FOXP1: variants seen among roughly 807,000 people sequenced by gnomAD.
FOXP1 encodes forkhead box P1, also known as forkhead box protein P1.
A neutral mutation model predicts 98.2 loss-of-function variants in FOXP1; 15 were observed. That is an observed-to-expected ratio of 0.15 (90% CI 0.10 to 0.24). The LOEUF is 0.24. Ranked by LOEUF, FOXP1 falls within the 10% of genes least tolerant of loss-of-function variation. The pLI, the probability that FOXP1 is intolerant of heterozygous loss-of-function variation, is 1.00. For missense variants in FOXP1, 633 were observed against 848.5 expected, an observed-to-expected ratio of 0.75 and a Z score of 3.15; for synonymous variants, 371 against 314.5, an observed-to-expected ratio of 1.18 and a Z score of -1.90.
intron 6 of FOXP1, among the ~76,000 whole-genome samples, chr3:71,170,350 G>T (rs1009740782): frequency 6.6e-6 from 1 of 152,122 alleles, no homozygotes; most frequent in African/African-American, 2.4e-5. Context: ...AAGCTTTCAG[G>T]CAAATAATCT....
chr3:71,534,000 G>A (rs2044078535), intron 2 of FOXP1, among the ~76,000 whole-genome samples: 1 of 152,152 alleles, frequency 6.6e-6, no homozygotes, highest in Admixed American at 6.5e-5. Context: ...TGTATATTGG[G>A]GGACTGGTTC....
chr3:71,546,627 G>A lies in FOXP1; in HGVS notation c.-298+34922C>T, dbSNP rs547317035. Reference sequence around the variant, plus strand: ...CCTGGGTGCAAGATACCCAACCACCGAGATGCTGTTCATCAGGTACCCCAA... The same window carrying A: ...CCTGGGTGCAAGATACCCAACCACCAAGATGCTGTTCATCAGGTACCCCAA... On this transcript the variant is annotated intron_variant, in intron 2 of 20. Transcript: ENST00000649528. 2.0e-5 allele frequency among the ~76,000 whole-genome samples: 3 copies of A among 152,116 alleles called. No homozygotes were observed. The East Asian group carries it at 5.8e-4, about 30-fold the overall frequency.
chr3:71,278,799 C>T lies in FOXP1; in HGVS notation c.-12+21021G>A, dbSNP rs191390920. ...TCCATCTCGAAAACAAACAAACAAACAATTCCTAACAAGTAAAATACCAAT... is the reference window on the plus strand; with the variant it reads ...TCCATCTCGAAAACAAACAAACAAATAATTCCTAACAAGTAAAATACCAAT... On this transcript the variant is annotated intron_variant, in intron 5 of 20. Coordinates refer to ENST00000649528, the MANE Select transcript of FOXP1 (RefSeq NM_001349338.3). 1.9e-3 allele frequency among the ~76,000 whole-genome samples: 282 copies of T among 151,664 alleles called. 2 individuals carry two copies. The highest frequency in any genetic ancestry group is 6.5e-3 in the African/African-American group (268 of 41,350).
chr3:71,043,069 CCTTT>C (rs1201956971), intron 10 of FOXP1, among the ~76,000 whole-genome samples: 1 of 152,126 alleles, frequency 6.6e-6, no homozygotes, highest in Non-Finnish European at 1.5e-5. Context: ...ACCTTCCCCG[CCTTT>C]CTGAGAGGAG....
intron 6 of FOXP1, among the ~76,000 whole-genome samples, chr3:71,121,822 C>T (rs2058796842): frequency 6.6e-6 from 1 of 152,152 alleles, no homozygotes; most frequent in South Asian, 2.1e-4. Flanking sequence ...CTGTTTAAGA[C>T]TAGATTGTGT....
intron 7 of FOXP1, among the ~76,000 whole-genome samples, chr3:71,062,485 A>G (rs1314821103): frequency 6.6e-6 from 1 of 152,202 alleles, no homozygotes; most frequent in Admixed American, 6.5e-5. Context: ...TTCCAGAGAA[A>G]GAAGAAAAAA....
At chr3:71,358,266 C>T (rs1036552796) in intron 4 of FOXP1, among the ~76,000 whole-genome samples, 5 of 152,176 alleles carry the variant, frequency 3.3e-5, no homozygotes, top group African/African-American at 4.8e-5. Context: ...AATCTACCCG[C>T]ATATCCCTTC....
chr3:71,348,133 CTATTTTCTTGTACTGTACTCACT>C (rs2077491608), intron 4 of FOXP1, among the ~76,000 whole-genome samples: 1 of 151,874 alleles, frequency 6.6e-6, no homozygotes, highest in Non-Finnish European at 1.5e-5. Flanking sequence ...CTCTCTCTAA[CTATTTTCTTGTACTGTACTCACT>C]TATTTTCAGA....
intron 6 of FOXP1, among the ~76,000 whole-genome samples, chr3:71,172,840 A>G (rs942592622): frequency 6.6e-6 from 1 of 152,174 alleles, no homozygotes; most frequent in African/African-American, 2.4e-5. Flanking sequence ...GTGAGGTACC[A>G]CCTTCCCCCA....
rs924545995 is a variant in FOXP1, at chr3:71,342,028, T to C, written c.-73+17122A>G. Among the ~76,000 whole-genome samples the C allele has an allele frequency of 2.4e-5, 3 of 125,290 alleles. No individual in the cohort carries two copies. The East Asian group carries it at 9.7e-4, about 40-fold the overall frequency. The allele number at this position is 125,290 out of a possible 152,430, so 82.2% of individuals were successfully genotyped here. A position where few individuals can be genotyped will look rare whatever the true frequency, so the allele number is the denominator to read the frequency against. The stretch of plus-strand genomic sequence containing the variant: ...CACAGGCTTCTGAATTTGAATCTTA[T>C]GTTTTTTTCTGCTACATAACTAGTC... On this transcript the variant is annotated intron_variant, in intron 4 of 20. Coordinates refer to ENST00000649528, the MANE Select transcript of FOXP1 (RefSeq NM_001349338.3).
intron 20 of FOXP1, among the ~76,000 whole-genome samples, chr3:70,960,103 G>T (rs548142233): frequency 6.6e-6 from 1 of 152,144 alleles, no homozygotes; most frequent in Non-Finnish European, 1.5e-5. Context: ...GACCCCAAGC[G>T]AGGTTCTATC....
At chr3:71,258,820 G>A (rs773051414) in intron 5 of FOXP1, among the ~76,000 whole-genome samples, 11 of 152,132 alleles carry the variant, frequency 7.2e-5, no homozygotes, top group South Asian at 2.1e-4. Context: ...AATGTTGACC[G>A]CAGAGAAACC....
chr3:71,341,591 C>T lies in FOXP1; in HGVS notation c.-73+17559G>A, dbSNP rs559495633. 4.6e-5 allele frequency among the ~76,000 whole-genome samples: 7 copies of T among 152,148 alleles called. No individual in the cohort carries two copies. In the East Asian group the frequency reaches 7.7e-4, roughly 17 times the overall value. On this transcript the variant is annotated intron_variant, in intron 4 of 20. Transcript: ENST00000649528. ...CGACCAGCCTGTAATCCCAGCTACT[C>T]GGGAGGCTGAAGCAGGAGAATCACT...
At chr3:71,259,656 AAAG>A (rs1036652525) in intron 5 of FOXP1, among the ~76,000 whole-genome samples, 7 of 152,236 alleles carry the variant, frequency 4.6e-5, no homozygotes, top group African/African-American at 1.4e-4. Flanking sequence ...ATAAGAAGAA[AAAG>A]AAGGATGAAC....
At chr3:71,135,255 CAAAAAAAAAAAA>C (rs11285510) in intron 6 of FOXP1, among the ~76,000 whole-genome samples, 8 of 76,346 alleles carry the variant, frequency 1.0e-4, no homozygotes, top group African/African-American at 4.2e-4. Context: ...GCCTCCGTCT[CAAAAAAAAAAAA>C]AAAAAAAAAA....
chr3:71,062,394 T>G (rs552327342), intron 7 of FOXP1, among the ~76,000 whole-genome samples: 1 of 152,252 alleles, frequency 6.6e-6, no homozygotes, highest in Non-Finnish European at 1.5e-5. Flanking sequence ...CGCGTTTCTA[T>G]GGCTGCAGAC....
intron 5 of FOXP1, among the ~76,000 whole-genome samples, chr3:71,225,086 T>C (rs539208035): frequency 5.3e-5 from 8 of 152,246 alleles, no homozygotes; most frequent in Admixed American, 6.5e-5. Context: ...ACAAGCAACA[T>C]TGGATAAGGA....
At chr3:71,470,582 T>C (rs2089242422) in intron 3 of FOXP1, among the ~76,000 whole-genome samples, 1 of 151,836 alleles carries the variant, frequency 6.6e-6, no homozygotes, top group Admixed American at 6.6e-5. Context: ...CCACCAAAAA[T>C]ACAAAAAATT....
At chr3:71,094,885 A>G (rs888454863) in intron 7 of FOXP1, among the ~76,000 whole-genome samples, 1 of 152,220 alleles carries the variant, frequency 6.6e-6, no homozygotes, top group Non-Finnish European at 1.5e-5. Context: ...GCTGGTCTCA[A>G]GATCCTTTTA....
Sources: allele counts gnomAD v4.1 joint callset (sites outside exome capture counted in the v4.1 genomes callset), GRCh38; gene constraint gnomAD v4.1.1; transcripts MANE v1.5; gene names NCBI Gene and HGNC (gene_info 2026-07-23, HGNC 2026-07-21).